VPS13D: variants seen among roughly 807,000 people sequenced by gnomAD.
VPS13D encodes intermembrane lipid transfer protein VPS13D.
Under a neutral mutation model 461.9 loss-of-function variants are expected in VPS13D, and 187 were observed. The ratio of observed to expected loss-of-function variants is 0.40; its 90% CI spans 0.36 to 0.46. VPS13D has a LOEUF of 0.46. Ranked by LOEUF, VPS13D falls within the 20% of genes least tolerant of loss-of-function variation. VPS13D has a pLI of 0.60. For synonymous variants in VPS13D, 1,951 were observed against 1,986.3 expected, an observed-to-expected ratio of 0.98 and a Z score of 0.47; for missense variants, 4,711 against 5,364.9, an observed-to-expected ratio of 0.88 and a Z score of 3.81.
chr1:12,287,685 C>A (rs536998396), intron 21 of VPS13D, among the ~76,000 whole-genome samples: 3 of 152,126 alleles, frequency 2.0e-5, no homozygotes, highest in Admixed American at 6.5e-5. Context: ...ACAAAGAATG[C>A]TACTTCCAAG....
At chr1:12,303,537 T>TA (rs1489489094) in intron 25 of VPS13D, among the ~76,000 whole-genome samples, 1 of 152,242 alleles carries the variant, frequency 6.6e-6, no homozygotes, top group East Asian at 1.9e-4. Flanking sequence ...ATTTACCTAG[T>TA]AATCTGCCTT....
chr1:12,416,513 A>G (rs1644796175), intron 64 of VPS13D, 147 bp from the exon 65 acceptor site: 1 of 813,588 alleles, frequency 1.2e-6, no homozygotes, highest in Non-Finnish European at 1.9e-6. Context: ...TTTGCAGTTG[A>G]TGAAGATTAA....
rs539747754 is a variant in VPS13D at position 12,509,773 on chromosome 1, A to G, written c.*749A>G. The G allele has an allele frequency of 1.1e-3, 169 of 152,378 alleles. 1 individual carries two copies. Among genetic ancestry groups the G allele is most frequent in the African/African-American group, 3.6e-3 (151 of 41,582 alleles). The allele number at this position is 152,378 out of a possible 1,614,324, so 9.4% of individuals were successfully genotyped here. ...ATTTGGCTTTTTCCTAACTAGTCTT[A>G]CCAAACTTAGGGGGAAACCTGTGCT... On this transcript the variant is annotated 3_prime_UTR_variant, in exon 70 of 70. Coordinates refer to ENST00000620676, the MANE Select transcript of VPS13D (RefSeq NM_015378.4).
chr1:12,403,705 G>T, intron 62 of VPS13D, 120 bp from the exon 63 acceptor site: 1 of 939,620 alleles, frequency 1.1e-6, no homozygotes, highest in Non-Finnish European at 1.5e-6. Context: ...AAACTAAATC[G>T]AGAGTGATAG....
intron 67 of VPS13D, among the ~76,000 whole-genome samples, chr1:12,482,601 A>G (rs757223343): frequency 1.3e-5 from 2 of 152,170 alleles, no homozygotes; most frequent in African/African-American, 2.4e-5. Context: ...TCCTTACAAA[A>G]CGAATGTGAT....
chr1:12,292,435 CTTTTT>C (rs886615855), intron 23 of VPS13D, among the ~76,000 whole-genome samples: 1 of 96,916 alleles, frequency 1.0e-5, no homozygotes, highest in African/African-American at 4.2e-5. Context: ...TGCTCAGTCT[CTTTTT>C]TTTTTTTTTT....
intron 27 of VPS13D, among the ~76,000 whole-genome samples, chr1:12,310,973 G>A (rs767063408): frequency 4.6e-5 from 7 of 150,706 alleles, no homozygotes; most frequent in Non-Finnish European, 1.0e-4. Context: ...CTGGAATACA[G>A]TGGCACGATC....
In VPS13D at chr1:12,507,461, A is replaced by G. The variant is rs1646126174; in HGVS notation, c.13035+368A>G. On this transcript the variant is annotated intron_variant, in intron 69 of 69. Coordinates refer to ENST00000620676, the MANE Select transcript of VPS13D (RefSeq NM_015378.4). The surrounding 1 kb of genome is among the most constrained non-coding windows in gnomAD (Gnocchi z 5.3). Reference sequence around the variant, plus strand: ...TTCTTCAGTGCACCAAATCGAAGAAAGCACTGGAGCTCACGCTGGTTTCTC... The same window carrying G: ...TTCTTCAGTGCACCAAATCGAAGAAGGCACTGGAGCTCACGCTGGTTTCTC... 2.1e-6 allele frequency: 1 copy of G among 478,514 alleles called. No homozygotes were observed. Among genetic ancestry groups the G allele is most frequent in the Non-Finnish European group, 4.1e-6 (1 of 243,676 alleles). 29.6% of individuals were successfully genotyped at this position (478,514 alleles called of 1,614,324 possible). A position where few individuals can be genotyped will look rare whatever the true frequency, so the allele number is the denominator to read the frequency against.
chr1:12,261,136 T>A lies in VPS13D; in HGVS notation c.1401T>A (p.Pro467=). 6.2e-7 allele frequency: 1 copy of A among 1,614,224 alleles called. No individual in the cohort carries two copies. Among genetic ancestry groups the A allele is most frequent in the East Asian group, 2.2e-5 (1 of 44,884 alleles). ...LSAEQQEQWI[P]EEILGTEEFF... ...CAGAGCAACAGGAGCAGTGGATTCC[T>A]GAAGAGATCCTGGGTACGGTGGGAG... Residue 467 remains proline, a synonymous_variant, in exon 12 of 70, where the codon CCT becomes CCA. Coordinates refer to ENST00000620676, the MANE Select transcript of VPS13D (RefSeq NM_015378.4).
In VPS13D at chr1:12,283,373, C is replaced by T. The variant is rs751101418; in HGVS notation, c.5271C>T (p.Asp1757=). 6.8e-6 allele frequency: 11 copies of T among 1,614,186 alleles called. No individual in the cohort carries two copies. Among genetic ancestry groups the T allele is most frequent in the Admixed American group, 5.0e-5 (3 of 60,022 alleles). Residue 1757 remains aspartate, a synonymous_variant, in exon 21 of 70, where the codon GAC becomes GAT. Transcript: ENST00000620676. ...RKKQKEVQDK[D]YPLTPPPSPT... ...AGCAAAAGGAAGTCCAAGACAAGGA[C>T]TATCCCTTGACCCCACCTCCTTCTC...
chr1:12,351,569 C>T (rs1413829435), intron 46 of VPS13D, among the ~76,000 whole-genome samples: 20 of 148,104 alleles, frequency 1.4e-4, no homozygotes, highest in East Asian at 1.2e-3. Context: ...GGATTACAGG[C>T]GTGAGCCACC....
intron 30 of VPS13D, among the ~76,000 whole-genome samples, chr1:12,316,708 A>G (rs1479632418): frequency 1.3e-5 from 2 of 152,196 alleles, no homozygotes; most frequent in African/African-American, 4.8e-5. Flanking sequence ...TTTCCCACAT[A>G]GGAATACCTT....
intron 25 of VPS13D, among the ~76,000 whole-genome samples, chr1:12,301,230 T>C (rs778081687): frequency 6.6e-6 from 1 of 152,340 alleles, no homozygotes; most frequent in Non-Finnish European, 1.5e-5. Context: ...GATACCAACT[T>C]GTCTATAATT....
At chr1:12,370,208 GAA>G (rs1644097378) in intron 54 of VPS13D, among the ~76,000 whole-genome samples, 1 of 152,120 alleles carries the variant, frequency 6.6e-6, no homozygotes, top group African/African-American at 2.4e-5. Context: ...GTTGTATTTA[GAA>G]AAGTCAGATG....
intron 58 of VPS13D, among the ~76,000 whole-genome samples, chr1:12,383,548 G>A (rs1180687133): frequency 6.6e-6 from 1 of 152,150 alleles, no homozygotes; most frequent in Non-Finnish European, 1.5e-5. Flanking sequence ...AGGAGTGGAG[G>A]GTGTATGGAA....
At chr1:12,305,161 G>A (rs1557697701) in intron 26 of VPS13D, among the ~76,000 whole-genome samples, 1 of 152,214 alleles carries the variant, frequency 6.6e-6, no homozygotes, top group Non-Finnish European at 1.5e-5. Context: ...CAGAAATGCT[G>A]TAGCACAGAG....
intron 48 of VPS13D, 33 bp downstream of exon 48, chr1:12,356,123 G>A (rs757606474): frequency 6.4e-7 from 1 of 1,567,766 alleles, no homozygotes; most frequent in Non-Finnish European, 8.7e-7. Flanking sequence ...TAGGTCTTTG[G>A]CGTTAGTCAT....
intron 17 of VPS13D, among the ~76,000 whole-genome samples, chr1:12,272,392 GGTGTGTGTGTGTGT>G (rs60615824): frequency 1.4e-5 from 2 of 143,126 alleles, no homozygotes; most frequent in East Asian, 2.0e-4. Context: ...TTTTTGTTTT[GGTGTGTGTGTGTGT>G]GTGTGTGTGT....
chr1:12,460,638 A>T (rs912308471), intron 67 of VPS13D, among the ~76,000 whole-genome samples: 1 of 149,886 alleles, frequency 6.7e-6, no homozygotes, highest in Non-Finnish European at 1.5e-5. Flanking sequence ...TATATTTTAT[A>T]TATGTATGTA....
Sources: gnomAD v4.1 joint callset for allele counts (sites outside exome capture counted in the v4.1 genomes callset) on GRCh38, gnomAD v4.1.1 for gene constraint, Gnocchi (gnomAD v3.1) non-coding constraint, MANE v1.5 for transcripts, NCBI Gene and HGNC (gene_info 2026-07-23, HGNC 2026-07-21) for gene names.